Variants in RBFOX1 observed in about 807,000 individuals in gnomAD.
RBFOX1 encodes RNA binding fox-1 homolog 1, also known as RNA binding protein fox-1 homolog 1.
In RBFOX1, 8 loss-of-function variants were observed where a neutral mutation model predicts 57.7. The ratio of observed to expected loss-of-function variants is 0.14; its 90% CI spans 0.08 to 0.25. RBFOX1 has a LOEUF of 0.25. RBFOX1 is among the 10% of genes least tolerant of loss of function. The pLI is 1.00. For missense variants in RBFOX1, 611 were observed against 548.5 expected, an observed-to-expected ratio of 1.11 and a Z score of -1.14; for synonymous variants, 326 against 222.4, an observed-to-expected ratio of 1.47 and a Z score of -4.15.
At position 6,235,550 on chromosome 16, in the gene RBFOX1, G is replaced by A. The variant is rs535553361; in HGVS notation, c.-126-81445G>A. 1.2e-3 allele frequency among the ~76,000 whole-genome samples: 109 copies of A among 94,110 alleles called. 1 individual carries two copies. In the Admixed American group the frequency reaches 0.012, roughly 10 times the overall value. The allele number at this position is 94,110 out of a possible 152,430, so 61.7% of individuals were successfully genotyped here. A position where few individuals can be genotyped will look rare whatever the true frequency, so the allele number is the denominator to read the frequency against. On this transcript the variant is annotated intron_variant, in intron 1 of 15. Coordinates refer to ENST00000550418, the MANE Select transcript of RBFOX1 (RefSeq NM_018723.4). ...TAAAGAAACTGTGGTGTGTGTGTGC[G>A]TGTATGTATGTGTGTGTGTGTGTGT...
In RBFOX1 at chr16:5,672,564, G is replaced by A. The variant is rs560057242; in HGVS notation, c.318+73603G>A. Among the ~76,000 whole-genome samples, 59 of 151,626 alleles carry A rather than the reference G, an allele frequency of 3.9e-4. No homozygotes were observed. In the South Asian group the frequency reaches 0.012, roughly 31 times the overall value. On this transcript the variant is annotated intron_variant, in intron 3 of 19. Coordinates refer to the RBFOX1 transcript ENST00000641259. ...AGTAAGTGCGCCACGTTCTCTGTAAGATTTTCATTTGAAGAAAACAAAACA... is the reference window on the plus strand; with the variant it reads ...AGTAAGTGCGCCACGTTCTCTGTAAAATTTTCATTTGAAGAAAACAAAACA...
chr16:6,338,859 G>A (rs539299483), intron 2 of RBFOX1, among the ~76,000 whole-genome samples: 6 of 152,082 alleles, frequency 3.9e-5, no homozygotes, highest in Admixed American at 3.3e-4. Flanking sequence ...TTTGTGGTAG[G>A]TACACAATAA....
intron 3 of RBFOX1, among the ~76,000 whole-genome samples, chr16:7,005,807 G>A (rs1344403579): frequency 6.6e-6 from 1 of 152,092 alleles, no homozygotes; most frequent in East Asian, 1.9e-4. Context: ...TTCTTTTTCT[G>A]GCTCACATGA....
intron 3 of RBFOX1, among the ~76,000 whole-genome samples, chr16:6,864,333 C>G (rs192472383): frequency 2.1e-3 from 327 of 152,166 alleles, no homozygotes; most frequent in Non-Finnish European, 4.0e-3. Context: ...TATTTCAAGA[C>G]AAACATTTGA....
intron 3 of RBFOX1, among the ~76,000 whole-genome samples, chr16:5,770,622 G>A (rs1235702155): frequency 3.3e-5 from 5 of 151,944 alleles, no homozygotes; most frequent in Non-Finnish European, 7.4e-5. Context: ...TAGTAAACAC[G>A]CTTTGCTTTC....
At chr16:7,383,357 G>C (rs941731092) in intron 4 of RBFOX1, among the ~76,000 whole-genome samples, 5 of 152,030 alleles carry the variant, frequency 3.3e-5, no homozygotes, top group Non-Finnish European at 1.5e-5. Flanking sequence ...CTCCCCAGTG[G>C]AGGCAAAAAC....
intron 4 of RBFOX1, among the ~76,000 whole-genome samples, chr16:7,472,044 C>T (rs1377475485): frequency 2.6e-5 from 4 of 152,190 alleles, no homozygotes; most frequent in African/African-American, 4.8e-5. Flanking sequence ...ATATATTTGA[C>T]ACAATTTAGC....
intron 4 of RBFOX1, among the ~76,000 whole-genome samples, chr16:7,086,238 C>A (rs550946124): frequency 6.6e-6 from 1 of 152,186 alleles, no homozygotes; most frequent in East Asian, 1.9e-4. Flanking sequence ...TTTTGCCATG[C>A]GCAGTTGTAG....
chr16:6,148,749 C>G (rs909315609), intron 1 of RBFOX1, among the ~76,000 whole-genome samples: 3 of 152,172 alleles, frequency 2.0e-5, no homozygotes, highest in South Asian at 2.1e-4. Context: ...TTCGCTTTAT[C>G]TAATAGTGAG....
chr16:5,630,259 C>G (rs1010546362), intron 3 of RBFOX1, among the ~76,000 whole-genome samples: 8 of 152,098 alleles, frequency 5.3e-5, no homozygotes, highest in Non-Finnish European at 1.2e-4. Flanking sequence ...GAGTTCGAGA[C>G]CAGCCTGGGC....
chr16:5,842,483 C>G lies in RBFOX1; in HGVS notation c.319-24820C>G, dbSNP rs566016068. 2.0e-5 allele frequency among the ~76,000 whole-genome samples: 3 copies of G among 152,330 alleles called. No individual in the cohort carries two copies. The South Asian group carries it at 6.2e-4, about 32-fold the overall frequency. On this transcript the variant is annotated intron_variant, in intron 3 of 19. Coordinates refer to the RBFOX1 transcript ENST00000641259. Reference sequence around the variant, plus strand: ...GCATGTATTAAGCACCTACTGCATGCCTGCCACTGTGTCATTTCAGTCCCT... The same window carrying G: ...GCATGTATTAAGCACCTACTGCATGGCTGCCACTGTGTCATTTCAGTCCCT...
intron 3 of RBFOX1, among the ~76,000 whole-genome samples, chr16:6,926,015 C>T (rs1365672402): frequency 6.6e-6 from 1 of 152,034 alleles, no homozygotes; most frequent in Non-Finnish European, 1.5e-5. Context: ...TGCTCAAAAA[C>T]CTCAACTTGC....
chr16:6,874,692 A>G (rs1331303999), intron 3 of RBFOX1, among the ~76,000 whole-genome samples: 1 of 151,990 alleles, frequency 6.6e-6, no homozygotes, highest in Non-Finnish European at 1.5e-5. Context: ...TAATATACTA[A>G]CATATTCTCG....
chr16:6,566,033 C>T (rs71392484), intron 2 of RBFOX1, among the ~76,000 whole-genome samples: 7,517 of 152,248 alleles, frequency 0.049, 282 homozygotes, highest in Non-Finnish European at 0.073. Flanking sequence ...ACCTCTTCTG[C>T]GATTACCAGG....
intron 3 of RBFOX1, among the ~76,000 whole-genome samples, chr16:6,962,064 G>A (rs1328415372): frequency 1.3e-5 from 2 of 152,258 alleles, no homozygotes; most frequent in African/African-American, 4.8e-5. Context: ...GAAGGCCTCT[G>A]ACACTTTCAT....
intron 3 of RBFOX1, among the ~76,000 whole-genome samples, chr16:6,932,072 G>C (rs79695623): frequency 0.019 from 2,860 of 152,132 alleles, 101 homozygotes; most frequent in African/African-American, 0.066. Context: ...TTCATGACCT[G>C]ATCATCTTGG....
chr16:6,878,139 A>G (rs1324474654), intron 3 of RBFOX1, among the ~76,000 whole-genome samples: 3 of 152,130 alleles, frequency 2.0e-5, no homozygotes, highest in Non-Finnish European at 4.4e-5. Context: ...AGTGATAGCT[A>G]ATGTTTGTGT....
chr16:5,571,653 G>A (rs1238738663), intron 2 of RBFOX1, among the ~76,000 whole-genome samples: 1 of 152,108 alleles, frequency 6.6e-6, no homozygotes, highest in Non-Finnish European at 1.5e-5. Context: ...TGGAACATCT[G>A]GAGACTACTG....
chr16:7,315,793 A>G (rs73559868), intron 4 of RBFOX1, among the ~76,000 whole-genome samples: 3,938 of 152,126 alleles, frequency 0.026, 108 homozygotes, highest in African/African-American at 0.067. Context: ...TTTGTTCTCT[A>G]TTATTTGAAT....
Sources: allele counts gnomAD v4.1 joint callset (sites outside exome capture counted in the v4.1 genomes callset), GRCh38; gene constraint gnomAD v4.1.1; transcripts MANE v1.5; gene names NCBI Gene and HGNC (gene_info 2026-07-23, HGNC 2026-07-21).